The following RYR3 variants were observed in gnomAD, a reference collection of about 807,000 sequenced individuals.
RYR3 encodes ryanodine receptor 3.
A neutral mutation model predicts 584.3 loss-of-function variants in RYR3; 207 were observed. The observed-to-expected ratio is 0.35, with a 90% CI of 0.32 to 0.40. The LOEUF (loss-of-function observed/expected upper bound fraction) is 0.40. Ranked by LOEUF, RYR3 falls within the 10% of genes least tolerant of loss-of-function variation. The pLI, the probability that RYR3 is intolerant of heterozygous loss-of-function variation, is 1.00. For missense variants in RYR3, 5,616 were observed against 6,089.2 expected, an observed-to-expected ratio of 0.92 and a Z score of 2.59; for synonymous variants, 2,416 against 2,248.5, an observed-to-expected ratio of 1.07 and a Z score of -2.11.
At chr15:33,401,919 C>A (rs1435779995) in intron 1 of RYR3, among the ~76,000 whole-genome samples, 1 of 151,908 alleles carries the variant, frequency 6.6e-6, no homozygotes, top group African/African-American at 2.4e-5. Context: ...TTGTGTTTTC[C>A]AAATTTGAGT....
chr15:33,506,512 A>G lies in RYR3; in HGVS notation c.279+2774A>G, dbSNP rs541725217. Among the ~76,000 whole-genome samples, 14 of 152,322 alleles carry G rather than the reference A, an allele frequency of 9.2e-5. No individual in the cohort carries two copies. In the South Asian group the frequency reaches 2.9e-3, roughly 32 times the overall value. On this transcript the variant is annotated intron_variant, in intron 3 of 103. Coordinates refer to ENST00000634891, the MANE Select transcript of RYR3 (RefSeq NM_001036.6). ...TTTTGCCAAAGAGAAGAGAGACCTA[A>G]TAGTTATTTCCCACCTTGACACATT...
intron 1 of RYR3, among the ~76,000 whole-genome samples, chr15:33,348,741 GC>G (rs1204325107): frequency 6.6e-6 from 1 of 152,060 alleles, no homozygotes; most frequent in African/African-American, 2.4e-5. Context: ...CTCCCAAAGT[GC>G]TGGGATTACA....
In RYR3 at chr15:33,646,434, C is replaced by A; in HGVS notation, c.3849C>A (p.Ala1283=). Residue 1283 remains alanine (A), a synonymous_variant, in exon 29 of 104, where the codon GCC becomes GCA. Coordinates refer to ENST00000634891, the MANE Select transcript of RYR3 (RefSeq NM_001036.6). ...CATTTGGCACACAGAATAGCAATGCCGACATGATCTATTGCCGCTTGAGCA... is the reference window on the plus strand; with the variant it reads ...CATTTGGCACACAGAATAGCAATGCAGACATGATCTATTGCCGCTTGAGCA... ...HKTFGTQNSN[A]DMIYCRLSMP... 1 of 1,613,896 alleles carries A rather than the reference C, an allele frequency of 6.2e-7. No individual in the cohort carries two copies. Among genetic ancestry groups the A allele is most frequent in the Non-Finnish European group, 8.5e-7 (1 of 1,179,824 alleles).
At chr15:33,664,590 T>TGTATATATATATATAC (rs1491414795) in intron 36 of RYR3, among the ~76,000 whole-genome samples, 3 of 10,254 alleles carry the variant, frequency 2.9e-4, no homozygotes, top group Non-Finnish European at 1.6e-3. Context: ...TGTGTGTGTG[T>TGTATATATATATATAC]ATATATATAT....
At chr15:33,645,706 T>C (rs2062064271) in intron 28 of RYR3, among the ~76,000 whole-genome samples, 1 of 152,216 alleles carries the variant, frequency 6.6e-6, no homozygotes, top group African/African-American at 2.4e-5. Flanking sequence ...ACTTCCCTTG[T>C]ATCCCCCCAT....
intron 1 of RYR3, among the ~76,000 whole-genome samples, chr15:33,322,480 C>G (rs1460467650): frequency 6.6e-6 from 1 of 152,126 alleles, no homozygotes; most frequent in Non-Finnish European, 1.5e-5. Context: ...ACACCTCCCA[C>G]AAGGGCCCAC....
chr15:33,565,386 T>A (rs2057657394), intron 11 of RYR3, among the ~76,000 whole-genome samples: 1 of 152,320 alleles, frequency 6.6e-6, no homozygotes, highest in Middle Eastern at 3.4e-3. Context: ...CCTTTGCTGA[T>A]GCTTACACTG....
chr15:33,396,933 C>T (rs1432432781), intron 1 of RYR3, among the ~76,000 whole-genome samples: 2 of 152,172 alleles, frequency 1.3e-5, no homozygotes, highest in African/African-American at 4.8e-5. Context: ...ACAAGCCAAC[C>T]TCTTTATTTT....
intron 1 of RYR3, among the ~76,000 whole-genome samples, chr15:33,357,682 A>C (rs971444701): frequency 6.6e-6 from 1 of 152,176 alleles, no homozygotes; most frequent in Non-Finnish European, 1.5e-5. Flanking sequence ...CTTTCTTAAT[A>C]AACTTGCTTT....
intron 27 of RYR3, among the ~76,000 whole-genome samples, chr15:33,640,634 C>T (rs1464672986): frequency 4.6e-5 from 7 of 152,186 alleles, no homozygotes; most frequent in Non-Finnish European, 5.9e-5. Flanking sequence ...CCTGCTCTCC[C>T]TCTTCCTAAT....
intron 14 of RYR3, among the ~76,000 whole-genome samples, chr15:33,583,915 G>A (rs930224447): frequency 6.6e-6 from 1 of 152,164 alleles, no homozygotes; most frequent in African/African-American, 2.4e-5. Flanking sequence ...AGCTGGGTGT[G>A]GTGGTGCATG....
At chr15:33,575,491 G>A (rs1431994616) in intron 12 of RYR3, among the ~76,000 whole-genome samples, 2 of 152,136 alleles carry the variant, frequency 1.3e-5, no homozygotes, top group African/African-American at 4.8e-5. Context: ...CATGGGAAGT[G>A]AACAACCTGC....
At chr15:33,447,464 C>T (rs1326910202) in intron 1 of RYR3, among the ~76,000 whole-genome samples, 2 of 152,100 alleles carry the variant, frequency 1.3e-5, no homozygotes, top group African/African-American at 4.8e-5. Flanking sequence ...TACTTTCCTC[C>T]GAGCAGTATT....
intron 43 of RYR3, among the ~76,000 whole-genome samples, chr15:33,707,471 C>T (rs1231689584): frequency 1.1e-4 from 17 of 152,040 alleles, no homozygotes; most frequent in Admixed American, 1.1e-3. Flanking sequence ...AACTGAGTAG[C>T]TGTAAAAGAT....
rs1268511853 is a variant in RYR3, at chr15:33,819,825, G to A, written c.10758+18G>A. The A allele has an allele frequency of 6.3e-7, 1 of 1,577,280 alleles. No homozygotes were observed. Among genetic ancestry groups the A allele is most frequent in the Admixed American group, 1.7e-5 (1 of 59,046 alleles). On this transcript the variant is annotated intron_variant, in intron 77 of 103. Transcript: ENST00000634891. ...TGGCCAAGGTACACCCAGGTTTTCT[G>A]CCCATTGTCTCTGTCTTTCTGTCTT...
intron 12 of RYR3, among the ~76,000 whole-genome samples, chr15:33,569,276 TA>T (rs771030029): frequency 7.9e-5 from 12 of 152,214 alleles, no homozygotes; most frequent in Admixed American, 2.6e-4. Context: ...TTTATTGTGG[TA>T]AAATATACAT....
chr15:33,501,439 G>T (rs1190586039), intron 2 of RYR3, among the ~76,000 whole-genome samples: 1 of 152,194 alleles, frequency 6.6e-6, no homozygotes, highest in Non-Finnish European at 1.5e-5. Context: ...ATATGTTATT[G>T]TAAAAGTGGG....
chr15:33,498,140 C>G (rs997234722), intron 2 of RYR3, among the ~76,000 whole-genome samples: 1 of 152,108 alleles, frequency 6.6e-6, no homozygotes, highest in African/African-American at 2.4e-5. Context: ...GATTCCATAT[C>G]TTTGCTATGT....
chr15:33,569,650 C>G (rs1829459856), intron 12 of RYR3, among the ~76,000 whole-genome samples: 1 of 152,086 alleles, frequency 6.6e-6, no homozygotes, highest in Admixed American at 6.5e-5. Context: ...GTATGTTTCA[C>G]TTTTTAAGAA....
Sources: gnomAD v4.1 joint callset for allele counts (sites outside exome capture counted in the v4.1 genomes callset) on GRCh38, gnomAD v4.1.1 for gene constraint, MANE v1.5 for transcripts, NCBI Gene and HGNC (gene_info 2026-07-23, HGNC 2026-07-21) for gene names.